Variants in RNF169 observed in about 807,000 individuals in gnomAD.
RNF169 encodes the protein ring finger protein 169, also known as E3 ubiquitin-protein ligase RNF169.
RNF169 carries 24 observed loss-of-function variants against 53.9 expected under a neutral mutation model. The observed-to-expected ratio is 0.45, with a 90% confidence interval of 0.32 to 0.63. The LOEUF (loss-of-function observed/expected upper bound fraction) is 0.63, where lower values mean the gene tolerates loss of function less well. Among genes scored for constraint, RNF169 ranks in the 20% least tolerant of loss-of-function variants. The pLI, the probability that RNF169 is intolerant of heterozygous loss-of-function variation, is 0.04. For missense variants in RNF169, 883 were observed against 906.2 expected (o/e 0.97, Z 0.33); for synonymous variants, 396 against 363.5 (o/e 1.09, Z -1.02).
At chr11:74,820,153 C>G (rs1337630936) in intron 4 of RNF169, among the ~76,000 whole-genome samples, 2 of 152,002 alleles carry the variant, frequency 1.3e-5, no homozygotes, top group African/African-American at 2.4e-5. Context: ...TAACAGAAAC[C>G]AAGCAGATGC....
chr11:74,828,949 C>T (rs1018512066), intron 4 of RNF169, among the ~76,000 whole-genome samples: 6 of 152,136 alleles, frequency 3.9e-5, no homozygotes, highest in African/African-American at 9.7e-5. Flanking sequence ...GATTTCATGA[C>T]GAAGATGTCA....
At chr11:74,752,467 C>T (rs1458336143) in intron 1 of RNF169, among the ~76,000 whole-genome samples, 1 of 151,610 alleles carries the variant, frequency 6.6e-6, no homozygotes, top group Admixed American at 6.6e-5. Context: ...TGCGGTGGCA[C>T]ACGCCTGTAG....
intron 4 of RNF169, among the ~76,000 whole-genome samples, chr11:74,827,126 C>T (rs1388892020): frequency 6.6e-5 from 10 of 152,218 alleles, no homozygotes; most frequent in Non-Finnish European, 1.3e-4. Context: ...GACATCCCGG[C>T]ATTTGCATAC....
At chr11:74,796,676 A>G (rs114550022) in intron 2 of RNF169, among the ~76,000 whole-genome samples, 1,550 of 151,876 alleles carry the variant, frequency 0.01, 32 homozygotes, top group African/African-American at 0.033. Context: ...AAGGTGGGGG[A>G]AAAGATTGAA....
chr11:74,769,486 G>A (rs2035227321), intron 1 of RNF169, among the ~76,000 whole-genome samples: 2 of 152,180 alleles, frequency 1.3e-5, no homozygotes. Flanking sequence ...TAATAGGTGT[G>A]TGCCATAGTG....
chr11:74,824,756 T>A (rs1420202225), intron 4 of RNF169, among the ~76,000 whole-genome samples: 1 of 152,190 alleles, frequency 6.6e-6, no homozygotes, highest in Non-Finnish European at 1.5e-5. Context: ...TTGCCATGAA[T>A]CTTTAGTTTG....
chr11:74,835,746 T>C lies in RNF169; in HGVS notation c.1143T>C (p.His381=). ...SNDSISEELN[H]FKPIVCSPCT... is the part of the protein sequence containing the mutation. ...ACAGCATCTCCGAAGAACTAAACCA[T>C]TTCAAGCCCATTGTCTGCTCACCAT... is the stretch of plus-strand genomic sequence containing the variant. The change falls in exon 6 of 6, where the codon CAT becomes CAC. Residue 381 remains histidine, a synonymous_variant. Transcript: ENST00000299563. 1 of 1,614,166 alleles carries C rather than the reference T, an allele frequency of 6.2e-7. No homozygotes were observed. Among genetic ancestry groups the C allele is most frequent in the South Asian group, 1.1e-5 (1 of 91,080 alleles).
At chr11:74,770,410 A>G (rs1278386467) in intron 1 of RNF169, among the ~76,000 whole-genome samples, 1 of 152,282 alleles carries the variant, frequency 6.6e-6, no homozygotes, top group Admixed American at 6.5e-5. Flanking sequence ...ATTATAATTC[A>G]TAGGAGAAGG....
At chr11:74,787,385 TTACTC>T (rs1452258722) in intron 1 of RNF169, among the ~76,000 whole-genome samples, 3 of 152,176 alleles carry the variant, frequency 2.0e-5, no homozygotes, top group Non-Finnish European at 4.4e-5. Flanking sequence ...GAAATGCAAA[TTACTC>T]TTAACCATAT....
At chr11:74,767,745 ATT>A (rs1177318393) in intron 1 of RNF169, among the ~76,000 whole-genome samples, 2 of 140,074 alleles carry the variant, frequency 1.4e-5, no homozygotes, top group African/African-American at 2.6e-5. Flanking sequence ...AATTTTTTGT[ATT>A]TTTTTTTTTT....
At chr11:74,772,753 A>G (rs1226891209) in intron 1 of RNF169, among the ~76,000 whole-genome samples, 2 of 152,214 alleles carry the variant, frequency 1.3e-5, no homozygotes, top group African/African-American at 4.8e-5. Flanking sequence ...TAAACAGTAA[A>G]ATCAGATTAA....
At chr11:74,803,375 C>T (rs553975786) in intron 2 of RNF169, among the ~76,000 whole-genome samples, 1 of 152,084 alleles carries the variant, frequency 6.6e-6, no homozygotes, top group Non-Finnish European at 1.5e-5. Context: ...TGAGCCACCG[C>T]GCCCAACCAA....
rs748106576 is a variant in RNF169, at chr11:74,748,961, C to T, written c.81C>T (p.Arg27=). The change falls in exon 1 of 6, where the codon CGC becomes CGT. Residue 27 remains arginine (R), a synonymous_variant. Coordinates refer to ENST00000299563, the MANE Select transcript of RNF169 (RefSeq NM_001098638.2). ...TGAGTCGGCGGGGCCGGCGGGGCCGCTGTGACGAGACGGCGGCAGCTAAGA... is the reference window on the plus strand; with the variant it reads ...TGAGTCGGCGGGGCCGGCGGGGCCGTTGTGACGAGACGGCGGCAGCTAAGA... ...AALSRRGRRG[R]CDETAAAKTG... is the part of the protein sequence containing the mutation. 1.4e-6 allele frequency: 2 copies of T among 1,478,454 alleles called. No individual in the cohort carries two copies. The highest frequency in any genetic ancestry group is 1.3e-5 in the South Asian group (1 of 77,470). The allele number at this position is 1,478,454 out of a possible 1,614,324, so 91.6% of individuals were successfully genotyped here.
intron 1 of RNF169, among the ~76,000 whole-genome samples, chr11:74,768,538 C>T (rs115958889): frequency 6.7e-6 from 1 of 150,190 alleles, no homozygotes; most frequent in South Asian, 2.1e-4. Context: ...ACCTGGGAAG[C>T]GGTGGCTGTA....
At chr11:74,774,366 A>C (rs2035301995) in intron 1 of RNF169, among the ~76,000 whole-genome samples, 1 of 151,490 alleles carries the variant, frequency 6.6e-6, no homozygotes, top group Non-Finnish European at 1.5e-5. Context: ...AACCCAAAAA[A>C]ACAAGAAACA....
At position 74,822,406 on chromosome 11, in the gene RNF169, C is replaced by T. The variant is rs897729381; in HGVS notation, c.842+4692C>T. Among the ~76,000 whole-genome samples, 9 of 152,252 alleles carry T rather than the reference C, an allele frequency of 5.9e-5. 1 individual carries two copies. In the Middle Eastern group the frequency reaches 0.01, roughly 173 times the overall value. On this transcript the variant is annotated intron_variant, in intron 4 of 5. Coordinates refer to ENST00000299563, the MANE Select transcript of RNF169 (RefSeq NM_001098638.2). ...TGCGGGTATTTTTAGCCTAACTAGA[C>T]GTCCCAGAAACCATCTGGTCTCTTG...
intron 2 of RNF169, among the ~76,000 whole-genome samples, chr11:74,801,771 A>G (rs573605060): frequency 2.0e-5 from 3 of 152,322 alleles, no homozygotes; most frequent in Admixed American, 6.5e-5. Context: ...CTAAAAAGCA[A>G]AGAGGATGAT....
At chr11:74,792,519 A>G (rs1005474367) in intron 2 of RNF169, among the ~76,000 whole-genome samples, 2 of 152,146 alleles carry the variant, frequency 1.3e-5, no homozygotes, top group African/African-American at 4.8e-5. Flanking sequence ...CTCCTGCCTC[A>G]GCCTCCCAAG....
At chr11:74,783,408 C>G (rs991510208) in intron 1 of RNF169, among the ~76,000 whole-genome samples, 1 of 152,154 alleles carries the variant, frequency 6.6e-6, no homozygotes, top group Admixed American at 6.5e-5. Flanking sequence ...ATCCTTAGAG[C>G]GTTGCTCTTC....
Sources: allele counts gnomAD v4.1 joint callset (sites outside exome capture counted in the v4.1 genomes callset), GRCh38; gene constraint gnomAD v4.1.1; transcripts MANE v1.5; gene names NCBI Gene and HGNC (gene_info 2026-07-23, HGNC 2026-07-21).